DGKI: variants seen among roughly 807,000 people sequenced by gnomAD.
DGKI encodes the protein DAG kinase iota.
Under a neutral mutation model 147.5 loss-of-function variants are expected in DGKI, and 55 were observed. The observed-to-expected ratio is 0.37, with a 90% confidence interval of 0.30 to 0.47. DGKI has a LOEUF of 0.47. Ranked by LOEUF, DGKI falls within the 20% of genes least tolerant of loss-of-function variation. The pLI, the probability that DGKI is intolerant of heterozygous loss-of-function variation, is 1.00. For synonymous variants in DGKI, 469 were observed against 477.1 expected, an observed-to-expected ratio of 0.98 and a Z score of 0.22; for missense variants, 1,007 against 1,323.8, an observed-to-expected ratio of 0.76 and a Z score of 3.71.
At chr7:137,518,698 A>G (rs866496518) in intron 21 of DGKI, among the ~76,000 whole-genome samples, 3 of 152,098 alleles carry the variant, frequency 2.0e-5, no homozygotes, top group African/African-American at 2.4e-5. Flanking sequence ...CTCAAACTGA[A>G]GTTTAACCAG....
intron 1 of DGKI, among the ~76,000 whole-genome samples, chr7:137,718,065 C>T (rs958287500): frequency 1.3e-5 from 2 of 152,034 alleles, no homozygotes; most frequent in African/African-American, 4.8e-5. Flanking sequence ...TGATGACTCA[C>T]CCAAATGGTG....
intron 1 of DGKI, among the ~76,000 whole-genome samples, chr7:137,721,340 A>T (rs547146908): frequency 6.6e-6 from 1 of 152,306 alleles, no homozygotes; most frequent in African/African-American, 2.4e-5. Context: ...AAGAGAATTG[A>T]TCAACTAATT....
intron 20 of DGKI, 46 bp downstream of exon 20, chr7:137,552,323 C>T: frequency 1.2e-6 from 2 of 1,605,524 alleles, no homozygotes; most frequent in South Asian, 1.1e-5. Context: ...GCACTCTCCT[C>T]TCCAAGGTCT....
chr7:137,669,713 A>G (rs1425702925), intron 3 of DGKI, among the ~76,000 whole-genome samples: 1 of 152,236 alleles, frequency 6.6e-6, no homozygotes, highest in Non-Finnish European at 1.5e-5. Context: ...ATGAAAGTTT[A>G]GTATAAAGGC....
intron 28 of DGKI, among the ~76,000 whole-genome samples, chr7:137,418,758 T>C (rs995255448): frequency 1.3e-5 from 2 of 152,104 alleles, no homozygotes; most frequent in African/African-American, 2.4e-5. Context: ...AAAGTAAATA[T>C]AAAAACTGCT....
intron 1 of DGKI, among the ~76,000 whole-genome samples, chr7:137,773,385 A>C (rs143025689): frequency 1.7e-4 from 26 of 152,296 alleles, no homozygotes; most frequent in African/African-American, 6.3e-4. Flanking sequence ...GGCCAGAGAA[A>C]CACATTACTG....
At chr7:137,443,782 GT>G (rs1813603557) in intron 28 of DGKI, among the ~76,000 whole-genome samples, 1 of 152,126 alleles carries the variant, frequency 6.6e-6, no homozygotes, top group African/African-American at 2.4e-5. Flanking sequence ...CACAGGACTA[GT>G]CCAAAACCAC....
intron 21 of DGKI, among the ~76,000 whole-genome samples, chr7:137,517,280 A>G (rs1816788622): frequency 5.9e-5 from 1 of 17,014 alleles, no homozygotes; most frequent in South Asian, 1.9e-3. Context: ...AAGAAAAGAA[A>G]AAGAAAGAAA....
chr7:137,546,105 A>G, intron 20 of DGKI: 1 of 550,332 alleles, frequency 1.8e-6, no homozygotes, highest in Non-Finnish European at 3.2e-6. Flanking sequence ...GAAGGAAAGG[A>G]AAAGGAAAAC....
chr7:137,618,151 A>ATATATATATATATATTTTT lies in DGKI; in HGVS notation c.993+1672_993+1673insAAAAATATATATATATATA. ...ACTATATATATATATATATATATAT[A>ATATATATATATATATTTTT]TTTTTTTTTTTTTACTCTATCATTC... On this transcript the variant is annotated intron_variant, in intron 8 of 32. Transcript: ENST00000614521. Among the ~76,000 whole-genome samples the ATATATATATATATATTTTT allele has an allele frequency of 2.0e-3, 21 of 10,454 alleles. 1 individual carries two copies. Among genetic ancestry groups the ATATATATATATATATTTTT allele is most frequent in the Admixed American group, 7.4e-3 (2 of 272 alleles). The allele number at this position is 10,454 out of a possible 152,430, so 6.9% of individuals were successfully genotyped here.
rs77509595 is a variant in DGKI at position 137,531,318 on chromosome 7, A to G, written c.2148-9352T>C. Among the ~76,000 whole-genome samples the G allele has an allele frequency of 4.1e-4, 62 of 152,330 alleles. No homozygotes were observed. In the East Asian group the frequency reaches 0.012, roughly 28 times the overall value. ...GGCCAAAATCATTTCCACTTTAAGAAGTAAATCCATGTAATGAAGGTTTCC... is the reference window on the plus strand; with the variant it reads ...GGCCAAAATCATTTCCACTTTAAGAGGTAAATCCATGTAATGAAGGTTTCC... On this transcript the variant is annotated intron_variant, in intron 20 of 32. Coordinates refer to ENST00000614521, the MANE Select transcript of DGKI (RefSeq NM_001321708.2).
chr7:137,843,435 G>A (rs1798605655), intron 1 of DGKI: 2 of 985,156 alleles, frequency 2.0e-6, no homozygotes, highest in Non-Finnish European at 2.4e-6. Flanking sequence ...ACAGTCGACA[G>A]AGACTATTTG....
At position 137,467,653 on chromosome 7, in the gene DGKI, C is replaced by T. The variant is rs190940126; in HGVS notation, c.2444-711G>A. On this transcript the variant is annotated intron_variant, in intron 24 of 32. Transcript: ENST00000614521. ...GAGATTGAGCTACATCTATGGTATGCGAAAAAAATCTAAATTACAAATTTT... is the reference window on the plus strand; with the variant it reads ...GAGATTGAGCTACATCTATGGTATGTGAAAAAAATCTAAATTACAAATTTT... Among the ~76,000 whole-genome samples the T allele has an allele frequency of 2.0e-3, 309 of 151,838 alleles. 2 individuals carry two copies. Among genetic ancestry groups the T allele is most frequent in the Non-Finnish European group, 1.8e-3 (122 of 67,968 alleles).
At chr7:137,408,902 A>G (rs979463305) in intron 29 of DGKI, among the ~76,000 whole-genome samples, 11 of 152,206 alleles carry the variant, frequency 7.2e-5, no homozygotes, top group African/African-American at 2.7e-4. Context: ...ATGAGAATTA[A>G]ATAACCCAGC....
chr7:137,578,732 T>C (rs1366993462), intron 15 of DGKI, among the ~76,000 whole-genome samples: 2 of 152,106 alleles, frequency 1.3e-5, no homozygotes, highest in East Asian at 3.8e-4. Context: ...TTTCCAGGGA[T>C]ATCGGGCTGA....
intron 21 of DGKI, among the ~76,000 whole-genome samples, chr7:137,503,367 T>C (rs1816251567): frequency 6.6e-6 from 1 of 152,184 alleles, no homozygotes; most frequent in Non-Finnish European, 1.5e-5. Context: ...CTATTAAAAT[T>C]CTTACAACAG....
intron 1 of DGKI, among the ~76,000 whole-genome samples, chr7:137,712,785 T>C (rs1441838524): frequency 1.3e-5 from 2 of 152,234 alleles, no homozygotes; most frequent in African/African-American, 4.8e-5. Flanking sequence ...ATGGATGAGA[T>C]AGGTGAGTTA....
chr7:137,419,416 T>C (rs1392539302), intron 28 of DGKI, among the ~76,000 whole-genome samples: 1 of 152,196 alleles, frequency 6.6e-6, no homozygotes, highest in Non-Finnish European at 1.5e-5. Context: ...GCTCACTCTC[T>C]GAGATACATA....
chr7:137,510,376 G>A (rs1816539238), intron 21 of DGKI, among the ~76,000 whole-genome samples: 1 of 152,168 alleles, frequency 6.6e-6, no homozygotes, highest in Non-Finnish European at 1.5e-5. Context: ...TTAACTGTGA[G>A]GTCCTAGCAT....
Sources: allele counts gnomAD v4.1 joint callset (sites outside exome capture counted in the v4.1 genomes callset), GRCh38; gene constraint gnomAD v4.1.1; transcripts MANE v1.5; gene names NCBI Gene and HGNC (gene_info 2026-07-23, HGNC 2026-07-21).